The following BMP2K variants were observed in gnomAD, a reference collection of about 807,000 sequenced individuals.
BMP2K encodes the protein BMP2 inducible kinase, also known as BMP-2-inducible protein kinase.
In BMP2K, 74 loss-of-function variants were observed where a neutral mutation model predicts 116.0. That is an observed-to-expected ratio of 0.64 (90% CI 0.53 to 0.77). The LOEUF is 0.77. BMP2K is among the 30% of genes least tolerant of loss of function. The pLI is 0.00. For missense variants in BMP2K, 1,365 were observed against 1,403.6 expected (o/e 0.97, Z 0.44); for synonymous variants, 486 against 502.5 (o/e 0.97, Z 0.44).
intron 15 of BMP2K, 139 bp from the exon 16 acceptor site, chr4:78,910,471 A>C: frequency 9.7e-6 from 7 of 721,914 alleles, no homozygotes; most frequent in Non-Finnish European, 1.5e-5. Context: ...AATGACGAAG[A>C]ATTGACAACA....
chr4:78,800,125 C>T (rs1267347798), intron 1 of BMP2K, among the ~76,000 whole-genome samples: 1 of 152,116 alleles, frequency 6.6e-6, no homozygotes, highest in Non-Finnish European at 1.5e-5. Flanking sequence ...GTGTGCTTTT[C>T]TTTGGACTCA....
At position 78,911,621 on chromosome 4, in the gene BMP2K, G is replaced by A. The variant is rs1265607988; in HGVS notation, c.3074G>A (p.Gly1025Asp). The A allele has an allele frequency of 1.2e-6, 2 of 1,613,974 alleles. No individual in the cohort carries two copies. Among genetic ancestry groups the A allele is most frequent in the Admixed American group, 1.7e-5 (1 of 60,018 alleles). The change falls in exon 16 of 16, where the codon GGC becomes GAC. Residue 1025 changes from glycine (G) to aspartate (D), a missense_variant. This residue lies in a region of BMP2K where 596 missense variants were observed against 623.2 expected (regional missense o/e 0.96). Coordinates refer to ENST00000502613, the MANE Select transcript of BMP2K (RefSeq NM_198892.2). The part of the protein sequence containing the change: ...PERARRHKKV[G>D]RRDSQSSNEF... ...AGGGCTCGCAGGCACAAAAAAGTGG[G>A]CCGCCGAGACTCTCAAAGTAGCAAT...
At position 78,833,599 on chromosome 4, in the gene BMP2K, C is replaced by T. The variant is rs1730316778; in HGVS notation, c.315C>T (p.His105=). 6.3e-7 allele frequency: 1 copy of T among 1,592,576 alleles called. No homozygotes were observed. The highest frequency in any genetic ancestry group is 1.2e-5 in the South Asian group (1 of 85,990). The change falls in exon 3 of 16, where the codon CAC becomes CAT. Residue 105 remains histidine (H), a synonymous_variant. Transcript: ENST00000502613. ...CTTTCCAGAAAGAGCTATCTGGTCA[C>T]AAAAATATTGTGGGCTATTTGGACT... is the stretch of plus-strand genomic sequence containing the variant. ...EITIMKELSG[H]KNIVGYLDCA... is the part of the protein sequence containing the mutation.
intron 2 of BMP2K, among the ~76,000 whole-genome samples, chr4:78,829,393 T>C (rs1386979897): frequency 1.4e-5 from 2 of 145,424 alleles, no homozygotes; most frequent in African/African-American, 2.8e-5. Context: ...CACTTAATTA[T>C]AGTTTTTTGT....
chr4:78,824,562 G>C (rs920423817), intron 1 of BMP2K, among the ~76,000 whole-genome samples: 1 of 152,170 alleles, frequency 6.6e-6, no homozygotes, highest in Non-Finnish European at 1.5e-5. Flanking sequence ...CTCTGCCCTT[G>C]ACGTGGGGAT....
intron 1 of BMP2K, among the ~76,000 whole-genome samples, chr4:78,797,320 C>T (rs987831857): frequency 5.3e-5 from 8 of 152,046 alleles, no homozygotes; most frequent in Non-Finnish European, 1.2e-4. Flanking sequence ...AAAACTTACC[C>T]CAAAAGTGAT....
chr4:78,906,336 T>C (rs1734282475), intron 15 of BMP2K, among the ~76,000 whole-genome samples: 1 of 152,134 alleles, frequency 6.6e-6, no homozygotes, highest in Non-Finnish European at 1.5e-5. Flanking sequence ...ATAAATATTT[T>C]TGATTGTTAT....
At chr4:78,839,991 A>G (rs1038025484) in intron 3 of BMP2K, among the ~76,000 whole-genome samples, 2 of 152,178 alleles carry the variant, frequency 1.3e-5, no homozygotes, top group Non-Finnish European at 2.9e-5. Context: ...CTTCAGTCCA[A>G]TCAAGTTGAC....
At chr4:78,863,026 A>C (rs1731869248) in intron 9 of BMP2K, among the ~76,000 whole-genome samples, 1 of 152,066 alleles carries the variant, frequency 6.6e-6, no homozygotes, top group South Asian at 2.1e-4. Context: ...CAGATTTTTA[A>C]AAAAAGCGTA....
chr4:78,833,562 ATT>A lies in BMP2K; in HGVS notation c.298-10_298-9del, dbSNP rs112619803. On this transcript the variant is annotated intron_variant, in intron 2 of 15. Transcript: ENST00000502613. ...TTTAAATGTACATTTTCCAGTTTTCATTTTTTTTTTTCTTTCCAGAAAGAGCT... is the reference window on the plus strand; with the variant it reads ...TTTAAATGTACATTTTCCAGTTTTCATTTTTTTTTCTTTCCAGAAAGAGCT... 6.6e-5 allele frequency: 79 copies of A among 1,198,008 alleles called. No individual in the cohort carries two copies. The highest frequency in any genetic ancestry group is 1.7e-4 in the African/African-American group (11 of 66,242). The allele number at this position is 1,198,008 out of a possible 1,614,324, so 74.2% of individuals were successfully genotyped here. A position where few individuals can be genotyped will look rare whatever the true frequency, so the allele number is the denominator to read the frequency against.
In BMP2K at chr4:78,815,959, A is replaced by C. The variant is rs560174074; in HGVS notation, c.179-10078A>C. 5.9e-5 allele frequency among the ~76,000 whole-genome samples: 9 copies of C among 152,324 alleles called. No homozygotes were observed. In the South Asian group the frequency reaches 1.7e-3, roughly 28 times the overall value. On this transcript the variant is annotated intron_variant, in intron 1 of 15. Transcript: ENST00000502613. ...ATTGCTTTCAAATAGTTGGGCACCA[A>C]CAACAAACATGTTTTACAGTTGTTT...
intron 2 of BMP2K, among the ~76,000 whole-genome samples, chr4:78,833,021 A>G (rs1373812641): frequency 6.6e-6 from 1 of 152,064 alleles, no homozygotes; most frequent in African/African-American, 2.4e-5. Flanking sequence ...AAAAGACACA[A>G]AAGTTTCAGA....
intron 6 of BMP2K, among the ~76,000 whole-genome samples, chr4:78,848,581 C>T (rs1375281636): frequency 6.6e-6 from 1 of 151,432 alleles, no homozygotes; most frequent in Admixed American, 6.6e-5. Flanking sequence ...TGAAGGTTTA[C>T]TGCAGAAAAA....
chr4:78,911,560 A>G lies in BMP2K; in HGVS notation c.3013A>G (p.Lys1005Glu). 6.2e-7 allele frequency: 1 copy of G among 1,614,014 alleles called. No individual in the cohort carries two copies. The highest frequency in any genetic ancestry group is 8.5e-7 in the Non-Finnish European group (1 of 1,179,888). Residue 1005 changes from lysine (K) to glutamate (E), a missense_variant, in exon 16 of 16, where the codon AAG (lysine) becomes GAG (glutamate). Physicochemically the swap from Lys to Glu is moderately conservative, Grantham distance 56 (BLOSUM62 1). Coordinates refer to ENST00000502613, the MANE Select transcript of BMP2K (RefSeq NM_198892.2). ...KRHHGTPTSTKKTLKPTYRTP... is the reference protein window; with the variant it reads ...KRHHGTPTSTEKTLKPTYRTP... ...GCATCATGGCACGCCAACTAGCACA[A>G]AGAAGACTTTGAAGCCTACCTATCG...
At position 78,833,687 on chromosome 4, in the gene BMP2K, G is replaced by T; in HGVS notation, c.403G>T (p.Ala135Ser). The T allele has an allele frequency of 6.3e-7, 1 of 1,592,598 alleles. No homozygotes were observed. Among genetic ancestry groups the T allele is most frequent in the Non-Finnish European group, 8.5e-7 (1 of 1,171,116 alleles). The change falls in exon 3 of 16, where the codon GCT (alanine) becomes TCT (serine). Residue 135 changes from alanine to serine, a missense_variant and splice_region_variant. Coordinates refer to ENST00000502613, the MANE Select transcript of BMP2K (RefSeq NM_198892.2). ...CCTTATCTTAATGGAATATTGTCGA[G>T]GTAAGTATTTTTTTGCATTTGTACT... ...EVLILMEYCRAGQVVNQMNKK... is the reference protein window; with the variant it reads ...EVLILMEYCRSGQVVNQMNKK...
chr4:78,880,879 T>G (rs1732856118), intron 14 of BMP2K, among the ~76,000 whole-genome samples: 1 of 152,120 alleles, frequency 6.6e-6, no homozygotes, highest in Admixed American at 6.6e-5. Flanking sequence ...GATACTAAGA[T>G]CCAAAGGAAA....
At position 78,806,964 on chromosome 4, in the gene BMP2K, A is replaced by G. The variant is rs567663051; in HGVS notation, c.179-19073A>G. ...CCCAGGTTCAAGCAATTCTTCCTGC[A>G]TCAGCTTCCCGAGTAGCTGGGATTA... On this transcript the variant is annotated intron_variant, in intron 1 of 15. Coordinates refer to ENST00000502613, the MANE Select transcript of BMP2K (RefSeq NM_198892.2). Among the ~76,000 whole-genome samples, 393 of 151,330 alleles carry G rather than the reference A, an allele frequency of 2.6e-3. 1 individual carries two copies. The highest frequency in any genetic ancestry group is 4.5e-3 in the Non-Finnish European group (302 of 67,840).
Position 78,911,956 on chromosome 4 carries a change from A to T in BMP2K, c.3409A>T (p.Thr1137Ser). The T allele has an allele frequency of 6.2e-7, 1 of 1,613,882 alleles. No individual in the cohort carries two copies. The highest frequency in any genetic ancestry group is 8.5e-7 in the Non-Finnish European group (1 of 1,179,870). Residue 1137 changes from threonine (T) to serine (S), a missense_variant, in exon 16 of 16, where the codon ACT (threonine) becomes TCT (serine). Physicochemically the swap from Thr to Ser is moderately conservative, Grantham distance 58 (BLOSUM62 1). Coordinates refer to ENST00000502613, the MANE Select transcript of BMP2K (RefSeq NM_198892.2). ...PFTELVVQSI[T>S]PHQSQQSQPV... Reference sequence around the variant, plus strand: ...TACAGAACTTGTGGTGCAAAGCATCACTCCACATCAGTCCCAACAGTCCCA... The same window carrying T: ...TACAGAACTTGTGGTGCAAAGCATCTCTCCACATCAGTCCCAACAGTCCCA...
At chr4:78,783,007 A>G (rs2109918912) in intron 1 of BMP2K, among the ~76,000 whole-genome samples, 1 of 152,356 alleles carries the variant, frequency 6.6e-6, no homozygotes, top group East Asian at 1.9e-4. Flanking sequence ...GTGCATTGCC[A>G]AATCTCTTCA....
Sources: gnomAD v4.1 joint callset for allele counts (sites outside exome capture counted in the v4.1 genomes callset) on GRCh38, gnomAD v4.1.1 for gene constraint, gnomAD v4.1.1 regional missense constraint, MANE v1.5 for transcripts, NCBI Gene and HGNC (gene_info 2026-07-23, HGNC 2026-07-21) for gene names.